Variants in HEMK2 observed in about 807,000 individuals in gnomAD.
HEMK2 encodes methyltransferase HEMK2.
the HEMK2 span, among the ~76,000 whole-genome samples, chr21:28,806,444 AT>A: frequency 6.6e-6 from 1 of 152,198 alleles, no homozygotes; most frequent in East Asian, 1.9e-4. Context: ...CTCAAAAAAA[AT>A]ATGTTGAAAT....
chr21:28,600,395 C>A, the HEMK2 span, among the ~76,000 whole-genome samples: 31 of 152,374 alleles, frequency 2.0e-4, no homozygotes, highest in Non-Finnish European at 3.7e-4. Flanking sequence ...ACAGCCTGAG[C>A]TGTACCTTGG....
At chr21:28,757,656 A>G in the HEMK2 span, among the ~76,000 whole-genome samples, 1 of 152,360 alleles carries the variant, frequency 6.6e-6, no homozygotes, top group Non-Finnish European at 1.5e-5. Flanking sequence ...AACAATCGAC[A>G]GCAGATAGAA....
the HEMK2 span, among the ~76,000 whole-genome samples, chr21:28,781,982 A>T: frequency 2.0e-5 from 3 of 152,366 alleles, 1 homozygote; most frequent in South Asian, 6.2e-4. Flanking sequence ...GGATGTGAAC[A>T]ATCTGCTGAG....
At chr21:28,805,880 C>G in the HEMK2 span, among the ~76,000 whole-genome samples, 1 of 152,150 alleles carries the variant, frequency 6.6e-6, no homozygotes, top group Non-Finnish European at 1.5e-5. Flanking sequence ...TGATGTAACA[C>G]TGAAACAAGC....
At chr21:28,763,169 A>T in the HEMK2 span, among the ~76,000 whole-genome samples, 2 of 152,176 alleles carry the variant, frequency 1.3e-5, no homozygotes, top group South Asian at 4.1e-4. Context: ...GTCATGGGAC[A>T]TTGGGTAAGT....
the HEMK2 span, among the ~76,000 whole-genome samples, chr21:28,691,331 T>C: frequency 1.3e-5 from 2 of 152,202 alleles, no homozygotes; most frequent in Non-Finnish European, 2.9e-5. Flanking sequence ...CTTCCAAAGA[T>C]AATCAATTAA....
At chr21:28,788,183 C>CATATATACGTATATACGT in the HEMK2 span, among the ~76,000 whole-genome samples, 15 of 113,038 alleles carry the variant, frequency 1.3e-4, no homozygotes, top group East Asian at 5.3e-4. Flanking sequence ...CATATATACA[C>CATATATACGTATATACGT]ATATATACGT....
At chr21:28,740,253 A>G in the HEMK2 span, among the ~76,000 whole-genome samples, 1 of 152,202 alleles carries the variant, frequency 6.6e-6, no homozygotes, top group East Asian at 1.9e-4. Flanking sequence ...AGGTTTCTCT[A>G]TTTACTTTTG....
At chr21:28,858,585 AG>A in the HEMK2 span, among the ~76,000 whole-genome samples, 1 of 151,854 alleles carries the variant, frequency 6.6e-6, no homozygotes, top group Non-Finnish European at 1.5e-5. Context: ...GGAGGAAGGA[AG>A]GAAGGAGGGA....
the HEMK2 span, among the ~76,000 whole-genome samples, chr21:28,712,566 G>A: frequency 6.6e-6 from 1 of 152,200 alleles, no homozygotes; most frequent in African/African-American, 2.4e-5. Flanking sequence ...GGGCAGAAGT[G>A]TTTAGAGGAC....
chr21:28,611,849 T>C, the HEMK2 span, among the ~76,000 whole-genome samples: 4 of 149,632 alleles, frequency 2.7e-5, no homozygotes, highest in African/African-American at 7.4e-5. Context: ...GAAGCAGAGG[T>C]TGCAGTGAGT....
chr21:28,879,080 C>CTTTTTTTTTTTTTTTTTT, the HEMK2 span, among the ~76,000 whole-genome samples: 2 of 98,658 alleles, frequency 2.0e-5, 1 homozygote. Context: ...TAGATTGTTT[C>CTTTTTTTTTTTTTTTTTT]TTTTTTTTTT....
the HEMK2 span, among the ~76,000 whole-genome samples, chr21:28,883,616 C>A: frequency 1.3e-5 from 2 of 152,178 alleles, no homozygotes; most frequent in African/African-American, 2.4e-5. Flanking sequence ...AAAATAGTAT[C>A]TGATCTTTGA....
At chr21:28,611,855 T>C in the HEMK2 span, among the ~76,000 whole-genome samples, 5 of 139,370 alleles carry the variant, frequency 3.6e-5, no homozygotes, top group East Asian at 1.0e-3. Context: ...GAGGTTGCAG[T>C]GAGTGAAGAT....
the HEMK2 span, among the ~76,000 whole-genome samples, chr21:28,622,866 A>C: frequency 6.6e-6 from 1 of 152,334 alleles, no homozygotes; most frequent in South Asian, 2.1e-4. Context: ...CGTAAGACCT[A>C]AAACCCTAAA....
At chr21:28,883,195 T>A in the HEMK2 span, 1 of 518,730 alleles carries the variant, frequency 1.9e-6, no homozygotes, top group Admixed American at 3.9e-5. Flanking sequence ...TGCAAATATA[T>A]GAAAATAGAA....
At chr21:28,837,585 A>G in the HEMK2 span, among the ~76,000 whole-genome samples, 1 of 152,174 alleles carries the variant, frequency 6.6e-6, no homozygotes, top group South Asian at 2.1e-4. Context: ...CACGTACATC[A>G]AAAAGACTGA....
chr21:28,665,385 T>A, the HEMK2 span, among the ~76,000 whole-genome samples: 1,948 of 54,062 alleles, frequency 0.036, 63 homozygotes, highest in East Asian at 0.17. Context: ...TTTTTTTTTT[T>A]AATTTTTTTT....
chr21:28,830,770 G>A, the HEMK2 span, among the ~76,000 whole-genome samples: 3 of 151,744 alleles, frequency 2.0e-5, no homozygotes, highest in Non-Finnish European at 4.4e-5. Flanking sequence ...CCAGCTACTT[G>A]GGAGGCTGAG....
Sources: allele counts gnomAD v4.1 joint callset (sites outside exome capture counted in the v4.1 genomes callset), GRCh38; gene constraint gnomAD v4.1.1; transcripts MANE v1.5; gene names NCBI Gene and HGNC (gene_info 2026-07-23, HGNC 2026-07-21).